KCNU1: variants seen among roughly 807,000 people sequenced by gnomAD.
KCNU1 encodes potassium calcium-activated channel subfamily U member 1, also known as potassium channel subfamily U member 1.
In KCNU1, 93 loss-of-function variants were observed where a neutral mutation model predicts 126.8. The observed-to-expected ratio is 0.73, with a 90% confidence interval of 0.62 to 0.87. The LOEUF (loss-of-function observed/expected upper bound fraction) is 0.87. KCNU1 is among the 40% of genes least tolerant of loss of function. The probability of loss-of-function intolerance (pLI) is 0.00; values close to 1 mark genes in which losing one functional copy is unlikely to be tolerated. For synonymous variants in KCNU1, 523 were observed against 494.2 expected, an observed-to-expected ratio of 1.06 and a Z score of -0.77; for missense variants, 1,330 against 1,367.1, an observed-to-expected ratio of 0.97 and a Z score of 0.43.
chr8:36,786,752 T>C (rs1240827660), intron 1 of KCNU1, among the ~76,000 whole-genome samples: 2 of 152,180 alleles, frequency 1.3e-5, no homozygotes, highest in East Asian at 3.8e-4. Flanking sequence ...TCATATGAGA[T>C]TACCGTAACA....
intron 19 of KCNU1, among the ~76,000 whole-genome samples, chr8:36,901,203 T>C (rs976831903): frequency 1.3e-5 from 2 of 152,086 alleles, no homozygotes; most frequent in Admixed American, 1.3e-4. Flanking sequence ...AAAATAATGA[T>C]GACAAATTTA....
chr8:36,875,071 A>G (rs1478089300), intron 19 of KCNU1, among the ~76,000 whole-genome samples: 1 of 152,138 alleles, frequency 6.6e-6, no homozygotes, highest in Non-Finnish European at 1.5e-5. Context: ...CCAGTGGGGA[A>G]AAAGCTAGTT....
intron 22 of KCNU1, among the ~76,000 whole-genome samples, chr8:36,914,901 G>T (rs1954215970): frequency 6.6e-6 from 1 of 152,146 alleles, no homozygotes; most frequent in Non-Finnish European, 1.5e-5. Context: ...GAAGATTTCA[G>T]GTATAATACT....
chr8:36,794,959 A>T (rs1030595489), intron 2 of KCNU1, among the ~76,000 whole-genome samples: 1 of 152,006 alleles, frequency 6.6e-6, no homozygotes, highest in Non-Finnish European at 1.5e-5. Flanking sequence ...ACAAAACAAA[A>T]ACATAAGAAA....
chr8:36,934,853 G>A (rs1253661502), intron 26 of KCNU1, among the ~76,000 whole-genome samples: 2 of 152,108 alleles, frequency 1.3e-5, no homozygotes, highest in African/African-American at 2.4e-5. Flanking sequence ...CATTTGCTAT[G>A]TACCTGATGC....
chr8:36,922,628 C>T lies in KCNU1; in HGVS notation c.2735C>T (p.Thr912Met), dbSNP rs751479009. 4.2e-5 allele frequency: 67 copies of T among 1,612,096 alleles called. No homozygotes were observed. The highest frequency in any genetic ancestry group is 5.0e-5 in the Admixed American group (3 of 59,818). ...SGSFLDSLLA[T>M]AFYNYHVLEL... ...AGCTTCTTGGATTCTCTGCTGGCCA[C>T]GGTAAGAAAAGCTAAGCCATGGAGC... Residue 912 changes from threonine to methionine, a missense_variant and splice_region_variant, in exon 24 of 27, where the codon ACG becomes ATG. Transcript: ENST00000399881.
At chr8:36,793,031 A>T (rs1022260722) in intron 2 of KCNU1, among the ~76,000 whole-genome samples, 1 of 152,214 alleles carries the variant, frequency 6.6e-6, no homozygotes, top group African/African-American at 2.4e-5. Context: ...GCCATAAAAA[A>T]TGATGAGTTC....
chr8:36,927,170 A>C (rs1808561093), intron 24 of KCNU1, among the ~76,000 whole-genome samples: 1 of 152,106 alleles, frequency 6.6e-6, no homozygotes, highest in African/African-American at 2.4e-5. Flanking sequence ...GTTTTGTTTA[A>C]ATTTTCAGGC....
At position 36,787,338 on chromosome 8, in the gene KCNU1, C is replaced by G; in HGVS notation, c.228C>G (p.Ser76Arg). ...TCACATCAGGTACCATCGCTAGGAGCCATGTAAGAAGCCTCCACTTCCAGG... is the reference window on the plus strand; with the variant it reads ...TCACATCAGGTACCATCGCTAGGAGGCATGTAAGAAGCCTCCACTTCCAGG... ...ELFTSGTIAR[S>R]HVRSLHFQGQ... Residue 76 changes from serine (S) to arginine (R), a missense_variant, in exon 2 of 27, where the codon AGC becomes AGG. Ser to Arg is a moderately radical substitution (Grantham distance 110, BLOSUM62 -1). Coordinates refer to ENST00000399881, the MANE Select transcript of KCNU1 (RefSeq NM_001031836.3). 6.2e-7 allele frequency: 1 copy of G among 1,611,280 alleles called. No homozygotes were observed. The highest frequency in any genetic ancestry group is 8.5e-7 in the Non-Finnish European group (1 of 1,178,146).
Position 36,860,821 on chromosome 8 carries a change from GA to G in KCNU1, c.1892-3575del, listed in dbSNP as rs553704398. Among the ~76,000 whole-genome samples the G allele has an allele frequency of 5.3e-5, 8 of 150,930 alleles. No individual in the cohort carries two copies. In the South Asian group the frequency reaches 1.0e-3, roughly 20 times the overall value. On this transcript the variant is annotated intron_variant, in intron 18 of 26. Coordinates refer to ENST00000399881, the MANE Select transcript of KCNU1 (RefSeq NM_001031836.3). ...AGGGTGCAAAAACAGTTAGGGACAG[GA>G]AAAAAAATGACAAGAAATGAGTTGA...
At chr8:36,837,097 A>G (rs1250568637) in intron 14 of KCNU1, among the ~76,000 whole-genome samples, 152 bp downstream of exon 14, 5 of 152,102 alleles carry the variant, frequency 3.3e-5, no homozygotes, top group African/African-American at 1.2e-4. Context: ...GAAGATCTGA[A>G]TTTAAAAGTC....
intron 19 of KCNU1, among the ~76,000 whole-genome samples, chr8:36,896,586 C>A (rs10101240): frequency 6.6e-6 from 1 of 151,768 alleles, no homozygotes; most frequent in Non-Finnish European, 1.5e-5. Flanking sequence ...ATGCGATGAT[C>A]TTTAAGACAT....
At chr8:36,784,713 A>C (rs1418039716) in intron 1 of KCNU1, 108 bp downstream of exon 1, 1 of 886,516 alleles carries the variant, frequency 1.1e-6, no homozygotes, top group Non-Finnish European at 1.7e-6. Flanking sequence ...AAGCTAACAG[A>C]GTCAGCTTCT....
At chr8:36,844,892 A>G (rs1805087431) in intron 16 of KCNU1, among the ~76,000 whole-genome samples, 2 of 152,224 alleles carry the variant, frequency 1.3e-5, no homozygotes, top group African/African-American at 2.4e-5. Flanking sequence ...ACAGGGAGAA[A>G]TGTGGGTAAT....
intron 10 of KCNU1, among the ~76,000 whole-genome samples, chr8:36,830,187 TA>T (rs1804480792): frequency 1.3e-5 from 2 of 150,956 alleles, no homozygotes; most frequent in South Asian, 4.2e-4. Context: ...ACATAAGGAT[TA>T]GAAAGAAGGA....
chr8:36,799,603 C>T (rs555641437), intron 2 of KCNU1, among the ~76,000 whole-genome samples: 152 of 151,754 alleles, frequency 1.0e-3, no homozygotes, highest in Non-Finnish European at 1.8e-3. Context: ...GGTGCAATCT[C>T]GGCTCTCTGC....
At chr8:36,822,380 G>T (rs1321238116) in intron 10 of KCNU1, among the ~76,000 whole-genome samples, 1 of 151,892 alleles carries the variant, frequency 6.6e-6, no homozygotes, top group African/African-American at 2.4e-5. Context: ...GACCACTAAA[G>T]CTCTCAGCCA....
chr8:36,909,002 C>T (rs1807751273), intron 20 of KCNU1, among the ~76,000 whole-genome samples: 1 of 152,098 alleles, frequency 6.6e-6, no homozygotes, highest in Admixed American at 6.5e-5. Flanking sequence ...AATACTTTCT[C>T]CATTTGGTCT....
At chr8:36,862,206 A>C (rs1805756541) in intron 18 of KCNU1, among the ~76,000 whole-genome samples, 1 of 152,134 alleles carries the variant, frequency 6.6e-6, no homozygotes, top group South Asian at 2.1e-4. Context: ...GATAGATAAT[A>C]GATAGATAGA....
Sources: gnomAD v4.1 joint callset for allele counts (sites outside exome capture counted in the v4.1 genomes callset) on GRCh38, gnomAD v4.1.1 for gene constraint, MANE v1.5 for transcripts, NCBI Gene and HGNC (gene_info 2026-07-23, HGNC 2026-07-21) for gene names.